FAM200C: variants seen among roughly 807,000 people sequenced by gnomAD.
At chr5:160,395,094 G>C in the FAM200C span, 9 of 1,613,444 alleles carry the variant, frequency 5.6e-6, no homozygotes, top group Non-Finnish European at 7.6e-6. Flanking sequence ...AGCTTTTTTT[G>C]TGCATCTGGT....
chr5:160,395,010 C>T, the FAM200C span: 1 of 1,613,694 alleles, frequency 6.2e-7, no homozygotes, highest in Non-Finnish European at 8.5e-7. Context: ...TCTTCTAGAA[C>T]TTGCTGTAAG....
the FAM200C span, chr5:160,399,995 G>A: frequency 1.3e-5 from 2 of 152,448 alleles, no homozygotes; most frequent in South Asian, 4.1e-4. Context: ...TGCGCCTGGA[G>A]AGAGAAGCAT....
the FAM200C span, chr5:160,394,963 A>T: frequency 2.5e-6 from 4 of 1,613,684 alleles, no homozygotes; most frequent in Non-Finnish European, 3.4e-6. Flanking sequence ...TTGTCTCAGC[A>T]AGCTGAATAC....
chr5:160,398,111 G>A, the FAM200C span, among the ~76,000 whole-genome samples: 7 of 152,182 alleles, frequency 4.6e-5, no homozygotes, highest in African/African-American at 1.7e-4. Context: ...GTGTGGTGGC[G>A]CATGCCTGTA....
the FAM200C span, among the ~76,000 whole-genome samples, chr5:160,397,043 A>T: frequency 3.3e-5 from 5 of 152,230 alleles, no homozygotes; most frequent in Admixed American, 2.0e-4. Context: ...TAGAACAGTG[A>T]TCTGTGACAA....
At chr5:160,394,835 A>C in the FAM200C span, 156 of 1,613,678 alleles carry the variant, frequency 9.7e-5, 1 homozygote, top group East Asian at 3.1e-3. Flanking sequence ...GAGATTGAAC[A>C]CATCTATTCC....
chr5:160,399,844 T>TATGGG, the FAM200C span: 1 of 151,434 alleles, frequency 6.6e-6, no homozygotes, highest in Non-Finnish European at 1.5e-5. Flanking sequence ...GGCGCAGGCC[T>TATGGG]ATGGGATGCA....
chr5:160,396,696 T>A, the FAM200C span, among the ~76,000 whole-genome samples: 1 of 110,380 alleles, frequency 9.1e-6, no homozygotes, highest in African/African-American at 3.6e-5. Flanking sequence ...CAAGTCTCTG[T>A]GGAAAAAAAA....
the FAM200C span, among the ~76,000 whole-genome samples, chr5:160,396,347 T>A: frequency 6.6e-6 from 1 of 152,230 alleles, no homozygotes; most frequent in Non-Finnish European, 1.5e-5. Context: ...AATAGGTCTT[T>A]AAGTCTGATT....
At chr5:160,393,501 T>C in the FAM200C span, 42 of 566,970 alleles carry the variant, frequency 7.4e-5, no homozygotes, top group East Asian at 1.3e-3. Flanking sequence ...GAAAATCTCA[T>C]GATAGCAACT....
chr5:160,398,942 G>A, the FAM200C span, among the ~76,000 whole-genome samples: 1 of 152,202 alleles, frequency 6.6e-6, no homozygotes, highest in Non-Finnish European at 1.5e-5. Context: ...TTATTTACAA[G>A]TGAAATAAGA....
the FAM200C span, among the ~76,000 whole-genome samples, chr5:160,396,970 C>A: frequency 2.6e-3 from 390 of 152,310 alleles, no homozygotes; most frequent in African/African-American, 9.0e-3. Flanking sequence ...GATTCTCCAG[C>A]TATGGAGTGG....
the FAM200C span, chr5:160,395,521 G>C: frequency 6.4e-7 from 1 of 1,573,650 alleles, no homozygotes; most frequent in Non-Finnish European, 8.7e-7. Flanking sequence ...TAGTATTCCA[G>C]AGATGCCACA....
At chr5:160,393,881 G>A in the FAM200C span, 9 of 1,613,952 alleles carry the variant, frequency 5.6e-6, no homozygotes, top group Admixed American at 5.0e-5. Context: ...AGTTGCAAAT[G>A]GCATAAGGAT....
At chr5:160,397,998 T>G in the FAM200C span, among the ~76,000 whole-genome samples, 176 of 152,302 alleles carry the variant, frequency 1.2e-3, 3 homozygotes, top group East Asian at 0.029. Context: ...CCCCAGCACT[T>G]TGGGAAGCCA....
At chr5:160,395,119 T>C in the FAM200C span, 23 of 1,614,112 alleles carry the variant, frequency 1.4e-5, no homozygotes, top group East Asian at 4.9e-4. Context: ...AAACTATTTG[T>C]GCTATTTCCA....
the FAM200C span, chr5:160,395,477 C>T: frequency 3.1e-6 from 5 of 1,613,528 alleles, no homozygotes; most frequent in South Asian, 1.1e-5. Flanking sequence ...ATCCCATTTG[C>T]GTTTCTTCGA....
chr5:160,395,396 AAC>A, the FAM200C span: 1 of 1,614,152 alleles, frequency 6.2e-7, no homozygotes, highest in Non-Finnish European at 8.5e-7. Context: ...TGAGTTACAC[AAC>A]ACACACTGTG....
chr5:160,395,746 T>A, the FAM200C span, among the ~76,000 whole-genome samples: 1 of 152,206 alleles, frequency 6.6e-6, no homozygotes, highest in East Asian at 1.9e-4. Flanking sequence ...AAGTTATATA[T>A]GGGAGATTTG....
Sources: gnomAD v4.1 joint callset for allele counts (sites outside exome capture counted in the v4.1 genomes callset) on GRCh38, gnomAD v4.1.1 for gene constraint, MANE v1.5 for transcripts.